Variants in EVC observed in about 807,000 individuals in gnomAD.
EVC encodes the protein evC complex member EVC.
In EVC, 116 loss-of-function variants were observed where a neutral mutation model predicts 118.9. The observed-to-expected ratio is 0.98, with a 90% CI of 0.84 to 1.14. The LOEUF (loss-of-function observed/expected upper bound fraction) is 1.14, where lower values mean the gene tolerates loss of function less well. EVC is among the 50% of genes most tolerant of loss of function. The pLI is 0.00. For missense variants in EVC, 1,401 were observed against 1,246.4 expected (o/e 1.12, Z -1.87); for synonymous variants, 619 against 534.7 (o/e 1.16, Z -2.18).
chr4:5,784,852 C>A (rs1009394314), intron 12 of EVC, among the ~76,000 whole-genome samples: 10 of 152,162 alleles, frequency 6.6e-5, no homozygotes, highest in Non-Finnish European at 1.5e-4. Flanking sequence ...AAGTGATCTG[C>A]CCGCCTTAGC....
At chr4:5,825,776 GCACA>G in the EVC span, 343 of 903,534 alleles carry the variant, frequency 3.8e-4, 1 homozygote, top group East Asian at 6.4e-3. The surrounding 1 kb of genome is among the most constrained non-coding windows in gnomAD (Gnocchi z 4.4). Flanking sequence ...AAATGTGCAT[GCACA>G]CACACACACA....
chr4:5,769,717 G>A (rs4688957), intron 11 of EVC, among the ~76,000 whole-genome samples: 58,210 of 152,002 alleles, frequency 0.38, 11,542 homozygotes, highest in Middle Eastern at 0.51. Flanking sequence ...TCTCTTGAAA[G>A]GCTCTGGGAG....
chr4:5,724,183 G>C (rs771744979), intron 2 of EVC, among the ~76,000 whole-genome samples: 5 of 152,226 alleles, frequency 3.3e-5, no homozygotes, highest in Non-Finnish European at 5.9e-5. Flanking sequence ...AAGGTGGCTG[G>C]AGACGGCAGA....
chr4:5,818,006 G>A (rs1033275083), downstream of EVC, among the ~76,000 whole-genome samples: 2 of 152,164 alleles, frequency 1.3e-5, no homozygotes, highest in African/African-American at 4.8e-5. Flanking sequence ...GTTTGGCTGT[G>A]TCCCCACCCA....
At chr4:5,769,247 G>T (rs1479978016) in intron 11 of EVC, among the ~76,000 whole-genome samples, 1 of 152,072 alleles carries the variant, frequency 6.6e-6, no homozygotes, top group East Asian at 1.9e-4. Context: ...ATGTGCAGGG[G>T]AACTCCTCTT....
chr4:5,793,590 CCT>C lies in EVC; in HGVS notation c.1777-15_1777-14del. 1 of 1,547,466 alleles carries C rather than the reference CCT, an allele frequency of 6.5e-7. No homozygotes were observed. Among genetic ancestry groups the C allele is most frequent in the Non-Finnish European group, 8.7e-7 (1 of 1,143,246 alleles). On this transcript the variant is annotated splice_polypyrimidine_tract_variant and intron_variant, in intron 12 of 20. Coordinates refer to ENST00000264956, the MANE Select transcript of EVC (RefSeq NM_153717.3). ...TGAGTAACCACATGCCTGCTCTGTC[CCT>C]CTGTCCCGAGTTCAGGTGTGGATGG...
At chr4:5,764,252 C>T (rs1251754741) in intron 11 of EVC, among the ~76,000 whole-genome samples, 1 of 141,754 alleles carries the variant, frequency 7.1e-6, no homozygotes, top group Non-Finnish European at 1.5e-5. Context: ...GGGAAGAAGC[C>T]CACTTGATCA....
At chr4:5,714,421 T>C (rs1220086573) in intron 1 of EVC, among the ~76,000 whole-genome samples, 3 of 151,440 alleles carry the variant, frequency 2.0e-5, no homozygotes, top group African/African-American at 7.4e-5. Context: ...GTGGCCTTGT[T>C]AACTCTTTCA....
At chr4:5,781,737 G>T (rs1194320979) in intron 11 of EVC, among the ~76,000 whole-genome samples, 1 of 152,140 alleles carries the variant, frequency 6.6e-6, no homozygotes. Context: ...CTATTTGGGA[G>T]GCTGAGGTGA....
intron 11 of EVC, among the ~76,000 whole-genome samples, chr4:5,765,036 A>C (rs1732658323): frequency 8.5e-6 from 1 of 117,606 alleles, no homozygotes; most frequent in Admixed American, 7.7e-5. Flanking sequence ...TCTTGTGGGC[A>C]TTTAGTGCTA....
Position 5,711,501 on chromosome 4 carries a change from G to C in EVC, c.121G>C (p.Gly41Arg), listed in dbSNP as rs1175605093. The C allele has an allele frequency of 2.6e-6, 3 of 1,144,308 alleles. No individual in the cohort carries two copies. The highest frequency in any genetic ancestry group is 2.1e-6 in the Non-Finnish European group (2 of 933,236). 70.9% of individuals were successfully genotyped at this position (1,144,308 alleles called of 1,614,324 possible). A position where few individuals can be genotyped will look rare whatever the true frequency, so the allele number is the denominator to read the frequency against. Residue 41 changes from glycine (G) to arginine (R), a missense_variant, in exon 1 of 21, where the codon GGC becomes CGC. Coordinates refer to ENST00000264956, the MANE Select transcript of EVC (RefSeq NM_153717.3). ...GCTGCTGGGCGCCGCGCTCGGCCTC[G>C]GCCTCGGCCTTTGGCTTGGCTGCCG... ...AVLLGAALGL[G>R]LGLWLGCRAG... is the part of the protein sequence containing the mutation.
chr4:5,730,830 C>T (rs575368602), intron 3 of EVC, among the ~76,000 whole-genome samples: 2 of 152,254 alleles, frequency 1.3e-5, no homozygotes, highest in East Asian at 3.9e-4. Flanking sequence ...TTCACTGTGG[C>T]TCGGGCAGCC....
Position 5,719,521 on chromosome 4 carries a change from A to AT in EVC, c.300+149dup, listed in dbSNP as rs1235098439. The AT allele has an allele frequency of 1.4e-4, 164 of 1,171,418 alleles. No homozygotes were observed. Among genetic ancestry groups the AT allele is most frequent in the Non-Finnish European group, 7.3e-5 (58 of 796,920 alleles). The allele number at this position is 1,171,418 out of a possible 1,614,324, so 72.6% of individuals were successfully genotyped here. On this transcript the variant is annotated intron_variant, in intron 2 of 20. Transcript: ENST00000264956. This position sits in a 1 kb window ranked among gnomAD's most constrained non-coding sequence, Gnocchi z 4.7. ...TGAGGCATAATTTACATACAGTCAA[A>AT]TGCGCAGACTTTAGGTTTTACAGTT... is the stretch of plus-strand genomic sequence containing the variant.
intron 18 of EVC, 21 bp from the exon 19 acceptor site, chr4:5,809,497 T>C: frequency 3.1e-6 from 5 of 1,610,606 alleles, no homozygotes; most frequent in Non-Finnish European, 4.2e-6. Context: ...AGCTGAATGC[T>C]CCTCTCTGCT....
rs1717220281 is a variant in EVC at position 5,813,461 on chromosome 4, GC to G, written c.*2426del. 1 of 152,152 alleles carries G rather than the reference GC, an allele frequency of 6.6e-6. No individual in the cohort carries two copies. Among genetic ancestry groups the G allele is most frequent in the East Asian group, 1.9e-4 (1 of 5,180 alleles). The allele number at this position is 152,152 out of a possible 1,614,324, so 9.4% of individuals were successfully genotyped here. A position where few individuals can be genotyped will look rare whatever the true frequency, so the allele number is the denominator to read the frequency against. ...CTGACCTCATCGTCCACCTGCCTCG[GC>G]CTCCCCAAAGTGCTGAGATTAGGCG... On this transcript the variant is annotated 3_prime_UTR_variant, in exon 21 of 21. Transcript: ENST00000264956.
the EVC span, among the ~76,000 whole-genome samples, chr4:5,822,096 C>T: frequency 6.6e-6 from 1 of 152,240 alleles, no homozygotes; most frequent in Non-Finnish European, 1.5e-5. Context: ...TTGTCAAAAT[C>T]CCCAGTAAAA....
chr4:5,711,570 A>C lies in EVC; in HGVS notation c.174+16A>C. 2 of 1,161,228 alleles carry C rather than the reference A, an allele frequency of 1.7e-6. No homozygotes were observed. Among genetic ancestry groups the C allele is most frequent in the East Asian group, 3.9e-5 (1 of 25,886 alleles). 71.9% of individuals were successfully genotyped at this position (1,161,228 alleles called of 1,614,324 possible). A position where few individuals can be genotyped will look rare whatever the true frequency, so the allele number is the denominator to read the frequency against. On this transcript the variant is annotated intron_variant, in intron 1 of 20. Coordinates refer to ENST00000264956, the MANE Select transcript of EVC (RefSeq NM_153717.3). Reference sequence around the variant, plus strand: ...GCGACACCAGGTGGGTCGGCCGAGCAGACAGCGGCGGGGCGGGGAGCGCGG... The same window carrying C: ...GCGACACCAGGTGGGTCGGCCGAGCCGACAGCGGCGGGGCGGGGAGCGCGG...
chr4:5,799,190 A>T (rs553669231), intron 15 of EVC, among the ~76,000 whole-genome samples: 2 of 152,282 alleles, frequency 1.3e-5, no homozygotes, highest in African/African-American at 4.8e-5. Flanking sequence ...GCCTCTGCTG[A>T]GACATTAGAG....
intron 8 of EVC, among the ~76,000 whole-genome samples, chr4:5,751,479 C>G (rs1025850671): frequency 6.6e-6 from 1 of 152,266 alleles, no homozygotes; most frequent in Non-Finnish European, 1.5e-5. Flanking sequence ...CGCTTATCCT[C>G]TTGCACCCTC....
Sources: allele counts gnomAD v4.1 joint callset (sites outside exome capture counted in the v4.1 genomes callset), GRCh38; gene constraint gnomAD v4.1.1; non-coding constraint Gnocchi (gnomAD v3.1); transcripts MANE v1.5; gene names NCBI Gene and HGNC (gene_info 2026-07-23, HGNC 2026-07-21).